The following ABCA12 variants were observed in gnomAD, a reference collection of about 807,000 sequenced individuals.
The protein encoded by ABCA12 is ATP binding cassette subfamily A member 12.
In ABCA12, 156 loss-of-function variants were observed where a neutral mutation model predicts 293.5. The observed-to-expected ratio is 0.53, with a 90% CI of 0.47 to 0.61. The LOEUF (loss-of-function observed/expected upper bound fraction) is 0.61. ABCA12 is among the 20% of genes least tolerant of loss of function. ABCA12 has a pLI of 0.00. For missense variants in ABCA12, 2,797 were observed against 3,090.2 expected, an observed-to-expected ratio of 0.91 and a Z score of 2.25; for synonymous variants, 1,063 against 1,108.0, an observed-to-expected ratio of 0.96 and a Z score of 0.81.
intron 1 of ABCA12, among the ~76,000 whole-genome samples, chr2:215,135,547 G>C (rs905029105): frequency 1.3e-5 from 2 of 152,118 alleles, no homozygotes; most frequent in Admixed American, 1.3e-4. Context: ...CTGTTTTGCT[G>C]TGAGTAAAAG....
chr2:215,138,264 A>T lies in ABCA12; in HGVS notation c.-56T>A. 6.3e-7 allele frequency: 1 copy of T among 1,578,614 alleles called. No homozygotes were observed. The highest frequency in any genetic ancestry group is 2.2e-5 in the East Asian group (1 of 44,686). The stretch of plus-strand genomic sequence containing the variant: ...CTTCTTTTCTCCACTCCACAAATGA[A>T]GAACTGATGCCCCGTCCAACTTGCT... On this transcript the variant is annotated 5_prime_UTR_variant, in exon 1 of 53. Coordinates refer to ENST00000272895, the MANE Select transcript of ABCA12 (RefSeq NM_173076.3).
chr2:214,976,075 A>G (rs1699510299), intron 33 of ABCA12, 38 bp from the exon 34 acceptor site: 1 of 1,612,786 alleles, frequency 6.2e-7, no homozygotes, highest in Non-Finnish European at 8.5e-7. Flanking sequence ...GTTCTGGGAA[A>G]TCTTGATAAG....
At chr2:214,953,305 T>C (rs1698836268) in intron 44 of ABCA12, among the ~76,000 whole-genome samples, 1 of 152,230 alleles carries the variant, frequency 6.6e-6, no homozygotes, top group Non-Finnish European at 1.5e-5. Flanking sequence ...TAGAAATGGT[T>C]ACCATGATGA....
At chr2:214,971,273 A>G (rs1270837826) in intron 36 of ABCA12, among the ~76,000 whole-genome samples, 2 of 152,202 alleles carry the variant, frequency 1.3e-5, no homozygotes, top group Admixed American at 6.5e-5. Context: ...ATCAAGTTAT[A>G]TCAACATGAA....
chr2:214,973,798 T>C, intron 36 of ABCA12, 151 bp downstream of exon 36: 1 of 708,206 alleles, frequency 1.4e-6, no homozygotes, highest in Non-Finnish European at 2.5e-6. Context: ...AAAGTCAGTA[T>C]TTTTTGAGCT....
At chr2:215,017,906 G>A in intron 14 of ABCA12, 102 bp downstream of exon 14, 2 of 1,516,656 alleles carry the variant, frequency 1.3e-6, no homozygotes, top group East Asian at 4.6e-5. Context: ...CACCAGATTA[G>A]CATGCAACTT....
Position 215,011,545 on chromosome 2 carries a change from C to A in ABCA12, c.2226G>T (p.Met742Ile), listed in dbSNP as rs758863530. 38 of 1,613,860 alleles carry A rather than the reference C, an allele frequency of 2.4e-5. No individual in the cohort carries two copies. The highest frequency in any genetic ancestry group is 3.0e-5 in the Non-Finnish European group (35 of 1,179,920). The change falls in exon 17 of 53, where the codon ATG (methionine) becomes ATT (isoleucine). Residue 742 changes from methionine to isoleucine, a missense_variant. Physicochemically the swap from Met to Ile is conservative, Grantham distance 10. This residue lies in a region of ABCA12 where 2,130 missense variants were observed against 2,427.0 expected (regional missense o/e 0.88). Coordinates refer to ENST00000272895, the MANE Select transcript of ABCA12 (RefSeq NM_173076.3). ...QGITTEYLTA[M>I]LPSSQRPKGN... Reference sequence around the variant, plus strand: ...CTTTTGGCCTCTGGGAAGAGGGCAGCATGGCAGTTAAATATTCAGTGGTAA... The same window carrying A: ...CTTTTGGCCTCTGGGAAGAGGGCAGAATGGCAGTTAAATATTCAGTGGTAA...
At chr2:214,932,827 C>T in intron 52 of ABCA12, 86 bp from the exon 53 acceptor site, 2 of 938,888 alleles carry the variant, frequency 2.1e-6, no homozygotes, top group South Asian at 2.7e-5. Context: ...CTCTCCCCTT[C>T]CTCTCTCCTA....
chr2:215,012,039 G>A lies in ABCA12; in HGVS notation c.2053C>T (p.His685Tyr). The change falls in exon 16 of 53, where the codon CAT (histidine) becomes TAT (tyrosine). Residue 685 changes from histidine to tyrosine, a missense_variant. Physicochemically the swap from His to Tyr is moderately conservative, Grantham distance 83. Around this residue, in one of 3 missense-constraint regions of ABCA12, gnomAD observed 2,130 missense variants for 2,427.0 expected, o/e 0.88. Coordinates refer to ENST00000272895, the MANE Select transcript of ABCA12 (RefSeq NM_173076.3). ...EILNQMASGTHPLLDKMRSLK... is the reference protein window; with the variant it reads ...EILNQMASGTYPLLDKMRSLK... ...GATCTCATTTTGTCTAGCAGCGGAT[G>A]TGTGCCAGAAGCCATCTGATTGAGA... The A allele has an allele frequency of 1.9e-6, 3 of 1,613,978 alleles. No individual in the cohort carries two copies. Among genetic ancestry groups the A allele is most frequent in the Non-Finnish European group, 1.7e-6 (2 of 1,179,886 alleles).
chr2:215,027,563 T>C (rs371159559), intron 9 of ABCA12, among the ~76,000 whole-genome samples: 2 of 152,246 alleles, frequency 1.3e-5, no homozygotes, highest in Non-Finnish European at 2.9e-5. Flanking sequence ...TGGGTGAGGA[T>C]TGCCAGGTAA....
At chr2:215,063,554 C>A (rs577348866) in intron 3 of ABCA12, among the ~76,000 whole-genome samples, 1 of 152,076 alleles carries the variant, frequency 6.6e-6, no homozygotes, top group Non-Finnish European at 1.5e-5. Flanking sequence ...CATGCATTAA[C>A]CTCATTTAAA....
chr2:214,980,817 G>A (rs1699631680), intron 30 of ABCA12, among the ~76,000 whole-genome samples, 174 bp from the exon 31 acceptor site: 1 of 152,018 alleles, frequency 6.6e-6, no homozygotes, highest in Non-Finnish European at 1.5e-5. Context: ...AAAAATTCAG[G>A]GCCAGGCTCA....
At chr2:215,025,068 C>T (rs541495017) in intron 11 of ABCA12, among the ~76,000 whole-genome samples, 20 of 152,202 alleles carry the variant, frequency 1.3e-4, no homozygotes, top group African/African-American at 4.8e-4. Flanking sequence ...AAATCTAAAA[C>T]ATCAGCTTTC....
At chr2:215,098,149 T>C (rs1417744226) in intron 2 of ABCA12, among the ~76,000 whole-genome samples, 1 of 152,174 alleles carries the variant, frequency 6.6e-6, no homozygotes, top group Non-Finnish European at 1.5e-5. Flanking sequence ...CCATGTGGCA[T>C]CCTAATTCAT....
chr2:215,003,938 G>A (rs1700198451), intron 20 of ABCA12, among the ~76,000 whole-genome samples: 1 of 152,154 alleles, frequency 6.6e-6, no homozygotes, highest in South Asian at 2.1e-4. Flanking sequence ...GAAGTGCTGG[G>A]ATTATAGGCG....
At chr2:215,028,106 G>A (rs1700789176) in intron 9 of ABCA12, among the ~76,000 whole-genome samples, 1 of 152,138 alleles carries the variant, frequency 6.6e-6, no homozygotes, top group Non-Finnish European at 1.5e-5. Context: ...TGGCTGATTT[G>A]GGGATCATCT....
chr2:215,016,903 T>A (rs1320327385), intron 14 of ABCA12, among the ~76,000 whole-genome samples: 2 of 152,144 alleles, frequency 1.3e-5, no homozygotes, highest in Non-Finnish European at 2.9e-5. Context: ...TTTCACTCTT[T>A]CCTCTTGAAA....
chr2:215,074,423 G>A (rs1345518530), intron 2 of ABCA12, among the ~76,000 whole-genome samples: 2 of 152,156 alleles, frequency 1.3e-5, no homozygotes, highest in African/African-American at 4.8e-5. Flanking sequence ...TTTCATTCTA[G>A]AAGGATTTTA....
At position 214,953,938 on chromosome 2, in the gene ABCA12, G is replaced by T. The variant is rs1698859478; in HGVS notation, c.6563C>A (p.Ala2188Glu). Reference sequence around the variant, plus strand: ...CTGAGAAACCAAAGCCACAAACATTGCACCTAGTTTATTCATCTCAAAGGT... The same window carrying T: ...CTGAGAAACCAAAGCCACAAACATTTCACCTAGTTTATTCATCTCAAAGGT... ...NETFEMNKLGAMFVALVSQGT... is the reference protein window; with the variant it reads ...NETFEMNKLGEMFVALVSQGT... The change falls in exon 44 of 53, where the codon GCA (alanine) becomes GAA (glutamate). Residue 2188 changes from alanine (A) to glutamate (E), a missense_variant. Ala to Glu is a moderately radical substitution (Grantham distance 107). Transcript: ENST00000272895. 1.9e-6 allele frequency: 3 copies of T among 1,614,038 alleles called. No individual in the cohort carries two copies.
Sources: gnomAD v4.1 joint callset for allele counts (sites outside exome capture counted in the v4.1 genomes callset) on GRCh38, gnomAD v4.1.1 for gene constraint, gnomAD v4.1.1 regional missense constraint, MANE v1.5 for transcripts, NCBI Gene and HGNC (gene_info 2026-07-23, HGNC 2026-07-21) for gene names.